Variants in DYNC1I1 observed in about 807,000 individuals in gnomAD.
DYNC1I1 encodes dynein cytoplasmic 1 intermediate chain 1, also known as cytoplasmic dynein 1 intermediate chain 1.
DYNC1I1 carries 43 observed loss-of-function variants against 86.6 expected under a neutral mutation model. That is an observed-to-expected ratio of 0.50 (90% confidence interval 0.39 to 0.64). The LOEUF (loss-of-function observed/expected upper bound fraction) is 0.64, where lower values mean the gene tolerates loss of function less well. DYNC1I1 is among the 30% of genes least tolerant of loss of function. DYNC1I1 has a pLI of 0.00. For synonymous variants in DYNC1I1, 262 were observed against 283.7 expected, an observed-to-expected ratio of 0.92 and a Z score of 0.77; for missense variants, 604 against 788.8, an observed-to-expected ratio of 0.77 and a Z score of 2.81.
intron 5 of DYNC1I1, among the ~76,000 whole-genome samples, chr7:95,856,958 G>A (rs1054664578): frequency 2.6e-5 from 4 of 151,834 alleles, no homozygotes; most frequent in African/African-American, 9.7e-5. Flanking sequence ...CAGCCTGGGC[G>A]ACAGAGTGAG....
chr7:95,819,920 G>T (rs755780641), intron 4 of DYNC1I1, among the ~76,000 whole-genome samples: 12 of 152,134 alleles, frequency 7.9e-5, no homozygotes, highest in African/African-American at 2.2e-4. Context: ...TTTAGGAAAG[G>T]GTAGCTGAGC....
At chr7:95,776,790 G>A (rs1793852433) in intron 1 of DYNC1I1, among the ~76,000 whole-genome samples, 1 of 152,170 alleles carries the variant, frequency 6.6e-6, no homozygotes, top group Non-Finnish European at 1.5e-5. Context: ...GGCGTGGCAG[G>A]CAGTCCTAGC....
At chr7:95,820,751 T>A (rs1795055938) in intron 4 of DYNC1I1, among the ~76,000 whole-genome samples, 1 of 152,210 alleles carries the variant, frequency 6.6e-6, no homozygotes, top group Non-Finnish European at 1.5e-5. Context: ...TTAAAAATAA[T>A]AATATTCATA....
intron 5 of DYNC1I1, among the ~76,000 whole-genome samples, chr7:95,856,603 G>C (rs1789730278): frequency 6.6e-6 from 1 of 152,096 alleles, no homozygotes; most frequent in African/African-American, 2.4e-5. Context: ...TCCTGTTTCA[G>C]GTTTAACAAC....
intron 9 of DYNC1I1, among the ~76,000 whole-genome samples, chr7:95,994,330 A>G (rs1459450096): frequency 6.6e-6 from 1 of 152,122 alleles, no homozygotes; most frequent in Non-Finnish European, 1.5e-5. Context: ...ACAGGTGTAG[A>G]AAAAAAATTA....
chr7:95,783,234 A>G (rs973464338), intron 1 of DYNC1I1, among the ~76,000 whole-genome samples: 2 of 152,236 alleles, frequency 1.3e-5, no homozygotes, highest in African/African-American at 4.8e-5. Flanking sequence ...TTTTAGCATC[A>G]TAAGGAATAA....
At chr7:96,029,919 AAAAG>A (rs1368351418) in intron 11 of DYNC1I1, among the ~76,000 whole-genome samples, 1 of 151,974 alleles carries the variant, frequency 6.6e-6, no homozygotes, top group South Asian at 2.1e-4. Context: ...TAAAAAAAAA[AAAAG>A]AAAGAAAAAG....
intron 10 of DYNC1I1, among the ~76,000 whole-genome samples, chr7:96,004,958 G>A (rs928766703): frequency 6.6e-6 from 1 of 152,162 alleles, no homozygotes; most frequent in Non-Finnish European, 1.5e-5. Context: ...TCTTATGATT[G>A]CTCTTAGGAG....
chr7:95,955,745 C>T (rs1047796469), intron 6 of DYNC1I1, among the ~76,000 whole-genome samples: 1 of 152,140 alleles, frequency 6.6e-6, no homozygotes, highest in East Asian at 1.9e-4. Context: ...AAGCTCAATT[C>T]AGGAAAAAGC....
At chr7:96,067,369 A>T (rs1790023059) in intron 14 of DYNC1I1, among the ~76,000 whole-genome samples, 1 of 151,406 alleles carries the variant, frequency 6.6e-6, no homozygotes, top group South Asian at 2.1e-4. Flanking sequence ...CCCTTTCCTA[A>T]CATAAGATGG....
intron 6 of DYNC1I1, among the ~76,000 whole-genome samples, chr7:95,904,038 A>G (rs1447819370): frequency 6.6e-6 from 1 of 152,146 alleles, no homozygotes; most frequent in African/African-American, 2.4e-5. Context: ...GGCTAGATCA[A>G]AAGATTTCTA....
chr7:95,794,793 T>C (rs1794395159), intron 1 of DYNC1I1, among the ~76,000 whole-genome samples: 1 of 152,196 alleles, frequency 6.6e-6, no homozygotes, highest in Non-Finnish European at 1.5e-5. Flanking sequence ...TAAATACATG[T>C]CACAAATTCA....
chr7:95,903,785 A>AGC (rs532147236), intron 6 of DYNC1I1, among the ~76,000 whole-genome samples: 2 of 152,236 alleles, frequency 1.3e-5, no homozygotes, highest in South Asian at 4.1e-4. Context: ...GAGGTTGTGG[A>AGC]GCTGTGTGAG....
At chr7:95,838,960 C>A (rs1789197091) in intron 5 of DYNC1I1, among the ~76,000 whole-genome samples, 1 of 152,160 alleles carries the variant, frequency 6.6e-6, no homozygotes, top group Non-Finnish European at 1.5e-5. Flanking sequence ...ACATGTATTT[C>A]TTTTTCTGTC....
rs149900899 is a variant in DYNC1I1 at position 95,985,213 on chromosome 7, A to G, written c.743+236A>G. On this transcript the variant is annotated intron_variant, in intron 8 of 16. Coordinates refer to ENST00000447467, the MANE Select transcript of DYNC1I1 (RefSeq NM_001135556.2). The stretch of plus-strand genomic sequence containing the variant: ...CTTTTGAACTTGGTATCTGGGGAAC[A>G]GTCCAGGTGATAGAGACTGGCAGAG... Among the ~76,000 whole-genome samples the G allele has an allele frequency of 3.2e-3, 488 of 152,304 alleles. 11 individuals are homozygous for G. Among genetic ancestry groups the G allele is most frequent in the Admixed American group, 0.026 (403 of 15,292 alleles).
chr7:95,860,036 A>G (rs901432318), intron 5 of DYNC1I1, among the ~76,000 whole-genome samples: 4 of 152,160 alleles, frequency 2.6e-5, no homozygotes, highest in Admixed American at 6.5e-5. Flanking sequence ...ACCAGGTTCT[A>G]TGATTGCTCC....
At chr7:96,081,497 C>A (rs898608685) in intron 16 of DYNC1I1, among the ~76,000 whole-genome samples, 3 of 152,052 alleles carry the variant, frequency 2.0e-5, no homozygotes, top group Admixed American at 6.6e-5. Flanking sequence ...AGGTAAGGAA[C>A]TTTTTCCTTA....
At chr7:96,048,376 G>A (rs1205147981) in intron 14 of DYNC1I1, among the ~76,000 whole-genome samples, 1 of 152,088 alleles carries the variant, frequency 6.6e-6, no homozygotes, top group Non-Finnish European at 1.5e-5. Flanking sequence ...TCCAGGTTTG[G>A]GAGATGCACC....
chr7:95,856,063 A>C (rs777117630), intron 5 of DYNC1I1, among the ~76,000 whole-genome samples: 1 of 152,152 alleles, frequency 6.6e-6, no homozygotes, highest in Non-Finnish European at 1.5e-5. Flanking sequence ...CTCTTTTGTG[A>C]TAACATTTAG....
Sources: gnomAD v4.1 joint callset for allele counts (sites outside exome capture counted in the v4.1 genomes callset) on GRCh38, gnomAD v4.1.1 for gene constraint, MANE v1.5 for transcripts, NCBI Gene and HGNC (gene_info 2026-07-23, HGNC 2026-07-21) for gene names.